SH3D19: variants seen among roughly 807,000 people sequenced by gnomAD.
SH3D19 encodes SH3 domain-containing protein 19.
SH3D19 carries 58 observed loss-of-function variants against 112.1 expected under a neutral mutation model. The observed-to-expected ratio is 0.52, with a 90% CI of 0.42 to 0.64. SH3D19 has a LOEUF of 0.64. Ranked by LOEUF, SH3D19 falls within the 30% of genes least tolerant of loss-of-function variation. SH3D19 has a pLI of 0.00. For missense variants in SH3D19, 1,090 were observed against 1,263.4 expected (o/e 0.86, Z 2.08); for synonymous variants, 391 against 448.5 (o/e 0.87, Z 1.62).
chr4:151,316,526 T>C (rs1412943233), intron 1 of SH3D19, among the ~76,000 whole-genome samples: 3 of 152,226 alleles, frequency 2.0e-5, no homozygotes, highest in Non-Finnish European at 4.4e-5. Flanking sequence ...CTCTTTGTAC[T>C]ATCTTCACAA....
At chr4:151,262,148 G>A (rs1399932561) in intron 1 of SH3D19, among the ~76,000 whole-genome samples, 2 of 152,214 alleles carry the variant, frequency 1.3e-5, no homozygotes, top group Admixed American at 6.5e-5. Context: ...CAGCGCCAGG[G>A]AGCTCAGCCT....
intron 1 of SH3D19, among the ~76,000 whole-genome samples, chr4:151,260,175 C>A (rs1291239798): frequency 6.6e-6 from 1 of 152,194 alleles, no homozygotes; most frequent in African/African-American, 2.4e-5. Flanking sequence ...CTTAAGGTAT[C>A]CATCACCCAA....
chr4:151,262,605 C>G (rs568567058), intron 1 of SH3D19: 3 of 152,266 alleles, frequency 2.0e-5, no homozygotes, highest in Non-Finnish European at 2.9e-5. Flanking sequence ...CCTAACTGTA[C>G]AGTTCTTGGC....
chr4:151,120,835 G>A lies in SH3D19; in HGVS notation c.*1256C>T, dbSNP rs148281787. 14 of 152,688 alleles carry A rather than the reference G, an allele frequency of 9.2e-5. No homozygotes were observed. The South Asian group carries it at 2.7e-3, about 29-fold the overall frequency. 9.5% of individuals were successfully genotyped at this position (152,688 alleles called of 1,614,324 possible). A position where few individuals can be genotyped will look rare whatever the true frequency, so the allele number is the denominator to read the frequency against. On this transcript the variant is annotated 3_prime_UTR_variant, in exon 20 of 20. Coordinates refer to ENST00000604030, the MANE Select transcript of SH3D19 (RefSeq NM_001378122.1). ...CTTCTCAAAAACAGAAGAAAGTCAT[G>A]ACCATTGTTGGGAAAGTGTTTTACA... is the stretch of plus-strand genomic sequence containing the variant.
intron 1 of SH3D19, among the ~76,000 whole-genome samples, chr4:151,317,592 G>A (rs975479140): frequency 1.3e-5 from 2 of 152,186 alleles, no homozygotes; most frequent in Non-Finnish European, 2.9e-5. Flanking sequence ...TAGGTCATAG[G>A]CTGATCAACT....
chr4:151,206,514 T>C (rs1765134995), intron 2 of SH3D19, among the ~76,000 whole-genome samples: 1 of 152,226 alleles, frequency 6.6e-6, no homozygotes, highest in Non-Finnish European at 1.5e-5. Flanking sequence ...CTCTATTTTC[T>C]CAATATATTC....
intron 1 of SH3D19, among the ~76,000 whole-genome samples, chr4:151,264,956 A>G (rs1468011697): frequency 6.6e-6 from 1 of 152,214 alleles, no homozygotes; most frequent in Non-Finnish European, 1.5e-5. Context: ...TTTTGGCAAG[A>G]CAGTGGAATG....
intron 1 of SH3D19, among the ~76,000 whole-genome samples, chr4:151,241,180 T>A (rs1770526021): frequency 6.6e-6 from 1 of 151,740 alleles, no homozygotes; most frequent in Admixed American, 6.6e-5. Flanking sequence ...TAGTCCCAGC[T>A]ACTTGGGAGG....
intron 1 of SH3D19, among the ~76,000 whole-genome samples, chr4:151,266,695 C>G (rs1237397152): frequency 6.6e-6 from 1 of 152,120 alleles, no homozygotes; most frequent in East Asian, 1.9e-4. Flanking sequence ...AACCCAGAGA[C>G]TAGATTGAGA....
chr4:151,212,876 T>G (rs1211316543), intron 2 of SH3D19, among the ~76,000 whole-genome samples: 1 of 152,228 alleles, frequency 6.6e-6, no homozygotes, highest in African/African-American at 2.4e-5. Flanking sequence ...TAGATGCCAT[T>G]AAGAATATCT....
chr4:151,128,926 A>C (rs1340208168), intron 17 of SH3D19, among the ~76,000 whole-genome samples: 1 of 152,144 alleles, frequency 6.6e-6, no homozygotes, highest in Non-Finnish European at 1.5e-5. Context: ...GGCATGATCC[A>C]CCTCACTCAG....
chr4:151,128,129 TCC>T, intron 18 of SH3D19, 39 bp downstream of exon 18: 1 of 1,510,374 alleles, frequency 6.6e-7, no homozygotes, highest in Admixed American at 2.1e-5. Flanking sequence ...GGTTTCAGGC[TCC>T]CCGTGAGGAG....
chr4:151,206,823 G>A lies in SH3D19; in HGVS notation c.152+19224C>T, dbSNP rs780463850. On this transcript the variant is annotated intron_variant, in intron 2 of 19. Coordinates refer to ENST00000604030, the MANE Select transcript of SH3D19 (RefSeq NM_001378122.1). Reference sequence around the variant, plus strand: ...GTGCTGGGAAACAAGGCAGCTTCTCGTGCATGCTCTCATTCTTCCTCACTT... The same window carrying A: ...GTGCTGGGAAACAAGGCAGCTTCTCATGCATGCTCTCATTCTTCCTCACTT... Among the ~76,000 whole-genome samples, 4 of 152,112 alleles carry A rather than the reference G, an allele frequency of 2.6e-5. No individual in the cohort carries two copies. The South Asian group carries it at 6.2e-4, about 24-fold the overall frequency.
intron 7 of SH3D19, among the ~76,000 whole-genome samples, chr4:151,172,244 GC>G (rs1759183365): frequency 1.3e-5 from 2 of 152,102 alleles, no homozygotes; most frequent in African/African-American, 4.8e-5. Context: ...AAGTCACAAA[GC>G]CCCAAATCAA....
At chr4:151,320,568 C>A (rs866136559) in intron 1 of SH3D19, among the ~76,000 whole-genome samples, 2 of 151,974 alleles carry the variant, frequency 1.3e-5, no homozygotes, top group South Asian at 2.1e-4. Context: ...ATTTCCACAT[C>A]GAAAGAAACC....
At chr4:151,315,077 G>A (rs1729862142) in intron 1 of SH3D19, among the ~76,000 whole-genome samples, 1 of 152,136 alleles carries the variant, frequency 6.6e-6, no homozygotes, top group African/African-American at 2.4e-5. Flanking sequence ...CACCAAAAAA[G>A]GAGGAAATGA....
chr4:151,290,469 G>C (rs1273271222), intron 1 of SH3D19, among the ~76,000 whole-genome samples: 1 of 152,174 alleles, frequency 6.6e-6, no homozygotes, highest in Non-Finnish European at 1.5e-5. Context: ...CCATTTATAT[G>C]AAATGTCTAA....
At chr4:151,205,003 T>A (rs1764898655) in intron 2 of SH3D19, among the ~76,000 whole-genome samples, 1 of 152,080 alleles carries the variant, frequency 6.6e-6, no homozygotes, top group African/African-American at 2.4e-5. Flanking sequence ...ACATTTTTAA[T>A]AGAGACAGGG....
Position 151,176,845 on chromosome 4 carries a change from C to G in SH3D19, c.347G>C (p.Trp116Ser). 1.6e-6 allele frequency: 2 copies of G among 1,232,140 alleles called. No homozygotes were observed. Among genetic ancestry groups the G allele is most frequent in the African/African-American group, 1.5e-5 (1 of 64,528 alleles). 76.3% of individuals were successfully genotyped at this position (1,232,140 alleles called of 1,614,324 possible). A position where few individuals can be genotyped will look rare whatever the true frequency, so the allele number is the denominator to read the frequency against. Reference protein sequence around the residue: ...GFPTSSAAGSWRPNELVPAEL... With the variant: ...GFPTSSAAGSSRPNELVPAEL... ...AGCAGGAACCAGCTCATTAGGCCTC[C>G]AAGAGCCTGCTGCAGATGATGTAGG... is the stretch of plus-strand genomic sequence containing the variant. Residue 116 changes from tryptophan (W) to serine (S), a missense_variant, in exon 5 of 20, where the codon TGG (tryptophan) becomes TCG (serine). Coordinates refer to ENST00000604030, the MANE Select transcript of SH3D19 (RefSeq NM_001378122.1).
Sources: gnomAD v4.1 joint callset for allele counts (sites outside exome capture counted in the v4.1 genomes callset) on GRCh38, gnomAD v4.1.1 for gene constraint, MANE v1.5 for transcripts, NCBI Gene and HGNC (gene_info 2026-07-23, HGNC 2026-07-21) for gene names.